Variants in PRR36 observed in about 807,000 individuals in gnomAD.
PRR36 encodes the protein proline-rich protein 36.
A neutral mutation model predicts 58.6 loss-of-function variants in PRR36; 30 were observed. The observed-to-expected ratio is 0.51, with a 90% CI of 0.38 to 0.69. PRR36 has a LOEUF of 0.69. PRR36 is among the 30% of genes least tolerant of loss of function. The pLI is 0.00. For synonymous variants in PRR36, 771 were observed against 829.3 expected (o/e 0.93, Z 1.21); for missense variants, 1,692 against 1,805.6 (o/e 0.94, Z 1.14).
Position 7,869,359 on chromosome 19 carries a change from G to A in PRR36, c.3715C>T (p.Pro1239Ser). The part of the protein sequence containing the change: ...GAGAGASSRS[P>S]KQARLGELPL... Reference sequence around the variant, plus strand: ...AGCTCGCCCAGGCGCGCCTGCTTCGGGCTCCGCGAGGACGCCCCGGCCCCG... The same window carrying A: ...AGCTCGCCCAGGCGCGCCTGCTTCGAGCTCCGCGAGGACGCCCCGGCCCCG... The change falls in exon 6 of 6, where the codon CCG becomes TCG. Residue 1239 changes from proline to serine, a missense_variant. Around this residue, in one of 5 missense-constraint regions of PRR36, gnomAD observed 485 missense variants for 549.2 expected, o/e 0.88. Coordinates refer to ENST00000618550, the MANE Select transcript of PRR36 (RefSeq NM_001190467.2). 7.0e-7 allele frequency: 1 copy of A among 1,433,374 alleles called. No homozygotes were observed. The highest frequency in any genetic ancestry group is 9.1e-7 in the Non-Finnish European group (1 of 1,103,338). The allele number at this position is 1,433,374 out of a possible 1,614,324, so 88.8% of individuals were successfully genotyped here.
At position 7,868,720 on chromosome 19, in the gene PRR36, G is replaced by A; in HGVS notation, c.*313C>T. On this transcript the variant is annotated 3_prime_UTR_variant, in exon 6 of 6. Transcript: ENST00000618550. ...GTCCTCTCTGTGACAGCGAAGGTGT[G>A]CAAGTCCCAGTGTCCCAGTTTTATT... The A allele has an allele frequency of 3.4e-6, 1 of 297,534 alleles. No homozygotes were observed. Among genetic ancestry groups the A allele is most frequent in the Non-Finnish European group, 6.3e-6 (1 of 159,578 alleles). The allele number at this position is 297,534 out of a possible 1,614,324, so 18.4% of individuals were successfully genotyped here.
chr19:7,871,115 G>T lies in PRR36; in HGVS notation c.2129C>A (p.Pro710His), dbSNP rs1157233357. ...GGCTAGGGAAGATTGGGTCTCCAGAGGGGGCATGATCAGGGAAGAGAGAGG... is the reference window on the plus strand; with the variant it reads ...GGCTAGGGAAGATTGGGTCTCCAGATGGGGCATGATCAGGGAAGAGAGAGG... ...QAPLSSLIMP[P>H]LETQSSLAPP... Residue 710 changes from proline to histidine, a missense_variant, in exon 5 of 6, where the codon CCT becomes CAT. This residue lies in a region of PRR36 where 975 missense variants were observed against 955.2 expected (regional missense o/e 1.02). Coordinates refer to ENST00000618550, the MANE Select transcript of PRR36 (RefSeq NM_001190467.2). 6.5e-7 allele frequency: 1 copy of T among 1,534,986 alleles called. No homozygotes were observed. The highest frequency in any genetic ancestry group is 2.0e-5 in the Admixed American group (1 of 50,830).
Position 7,870,002 on chromosome 19 carries a change from G to C in PRR36, c.3242C>G (p.Pro1081Arg). The change falls in exon 5 of 6, where the codon CCG becomes CGG. Residue 1081 changes from proline to arginine, a missense_variant. Coordinates refer to ENST00000618550, the MANE Select transcript of PRR36 (RefSeq NM_001190467.2). ...SPTLQAPRRP[P>R]TPGPDTSVSG... ...GACGGAGGTATCCGGACCCGGGGTC[G>C]GGGGGCGGCGTGGGGCCTGCAGGGT... 7.1e-7 allele frequency: 1 copy of C among 1,405,662 alleles called. No individual in the cohort carries two copies. The highest frequency in any genetic ancestry group is 9.2e-7 in the Non-Finnish European group (1 of 1,086,220). The allele number at this position is 1,405,662 out of a possible 1,614,324, so 87.1% of individuals were successfully genotyped here.
Position 7,873,581 on chromosome 19 carries a change from G to C in PRR36, c.109C>G (p.Pro37Ala). ...PRPPGSPRPPPPVTPAALRVL... is the reference protein window; with the variant it reads ...PRPPGSPRPPAPVTPAALRVL... ...CGGAGGGCTGCGGGAGTTACTGGGG[G>C]AGGGGGTCGAGGAGAGCCTGGGGGC... Residue 37 changes from proline (P) to alanine (A), a missense_variant, in exon 2 of 6, where the codon CCC (proline) becomes GCC (alanine). Coordinates refer to ENST00000618550, the MANE Select transcript of PRR36 (RefSeq NM_001190467.2). The surrounding 1 kb of genome is among the most constrained non-coding windows in gnomAD (Gnocchi z 5.0). The C allele has an allele frequency of 6.5e-7, 1 of 1,534,740 alleles. No individual in the cohort carries two copies. Among genetic ancestry groups the C allele is most frequent in the Non-Finnish European group, 8.7e-7 (1 of 1,146,596 alleles).
rs1980274914 is a variant in PRR36 at position 7,869,522 on chromosome 19, G to T, written c.3552C>A (p.Pro1184=). The T allele has an allele frequency of 6.6e-7, 1 of 1,518,854 alleles. No homozygotes were observed. The highest frequency in any genetic ancestry group is 1.2e-5 in the South Asian group (1 of 83,092). The allele number at this position is 1,518,854 out of a possible 1,614,324, so 94.1% of individuals were successfully genotyped here. The change falls in exon 6 of 6, where the codon CCC becomes CCA. Residue 1184 remains proline (P), a synonymous_variant. Transcript: ENST00000618550. ...GAPGAPLPWP[P]ATGPGSADGL... Reference sequence around the variant, plus strand: ...CGTCAGCAGAGCCCGGTCCGGTAGCGGGAGGCCACGGCAGGGGCGCACCTG... The same window carrying T: ...CGTCAGCAGAGCCCGGTCCGGTAGCTGGAGGCCACGGCAGGGGCGCACCTG...
At position 7,871,445 on chromosome 19, in the gene PRR36, T is replaced by C. The variant is rs1270352031; in HGVS notation, c.1799A>G (p.Gln600Arg). 47 of 1,533,478 alleles carry C rather than the reference T, an allele frequency of 3.1e-5. No homozygotes were observed. Among genetic ancestry groups the C allele is most frequent in the African/African-American group, 4.2e-5 (3 of 71,956 alleles). 95.0% of individuals were successfully genotyped at this position (1,533,478 alleles called of 1,614,324 possible). A position where few individuals can be genotyped will look rare whatever the true frequency, so the allele number is the denominator to read the frequency against. Residue 600 changes from glutamine to arginine, a missense_variant, in exon 5 of 6, where the codon CAG (glutamine) becomes CGG (arginine). Gln to Arg is a conservative substitution (Grantham distance 43). Around this residue, in one of 5 missense-constraint regions of PRR36, gnomAD observed 975 missense variants for 955.2 expected, o/e 1.02. Transcript: ENST00000618550. ...VPHSLTSPSL[Q>R]APPSPLALSS... is the part of the protein sequence containing the mutation. ...CAAAGCCAGAGGAGAGGGAGGTGCC[T>C]GCAGAGACGGTGAGGTCAGAGAATG... is the stretch of plus-strand genomic sequence containing the variant.
rs1980231208 is a variant in PRR36 at position 7,868,920 on chromosome 19, T to C, written c.*113A>G. On this transcript the variant is annotated 3_prime_UTR_variant, in exon 6 of 6. Coordinates refer to ENST00000618550, the MANE Select transcript of PRR36 (RefSeq NM_001190467.2). ...TCAGGCTCTAGGGAGCTAAGACTAA[T>C]CCACCCAGCGGGGCTCCAGGGCAGT... The C allele has an allele frequency of 8.0e-7, 1 of 1,252,732 alleles. No homozygotes were observed. Among genetic ancestry groups the C allele is most frequent in the Non-Finnish European group, 1.1e-6 (1 of 940,210 alleles). 77.6% of individuals were successfully genotyped at this position (1,252,732 alleles called of 1,614,324 possible).
At position 7,873,176 on chromosome 19, in the gene PRR36, G is replaced by A. The variant is rs931779533; in HGVS notation, c.374+21C>T. The A allele has an allele frequency of 6.5e-7, 1 of 1,530,448 alleles. No individual in the cohort carries two copies. Among genetic ancestry groups the A allele is most frequent in the South Asian group, 1.2e-5 (1 of 83,956 alleles). 94.8% of individuals were successfully genotyped at this position (1,530,448 alleles called of 1,614,324 possible). On this transcript the variant is annotated intron_variant, in intron 3 of 5. Coordinates refer to ENST00000618550, the MANE Select transcript of PRR36 (RefSeq NM_001190467.2). The surrounding 1 kb of genome is among the most constrained non-coding windows in gnomAD (Gnocchi z 5.0). ...GACGCTAACCCTGGCTTAGGAGACT[G>A]GGGGAGAGGGAGCAGGTTACCTGGT...
chr19:7,870,955 TA>T lies in PRR36; in HGVS notation c.2288del (p.Leu763GlnfsTer13). 3.7e-6 allele frequency: 5 copies of T among 1,366,084 alleles called. No individual in the cohort carries two copies. Among genetic ancestry groups the T allele is most frequent in the Non-Finnish European group, 1.9e-6 (2 of 1,062,016 alleles). The allele number at this position is 1,366,084 out of a possible 1,614,324, so 84.6% of individuals were successfully genotyped here. On this transcript the variant is annotated frameshift_variant, in exon 5 of 6. Coordinates refer to ENST00000618550, the MANE Select transcript of PRR36 (RefSeq NM_001190467.2). LOFTEE classifies it high-confidence loss of function. ...AAGCTGTCTGCAGAGGAGGCGGGGC[TA>T]GAGAAGGTAGGTTCTCCAGAGGGGG... ...TTPPLENLPS[L>X]APPPLQTASA...
In PRR36 at chr19:7,868,832, G is replaced by T. The variant is rs1256092198; in HGVS notation, c.*201C>A. ...GGGCGTGTCCTAGGCCAAAGGGGCGGAGCTCGAGGGGCGGGCCTAGGTCAA... is the reference window on the plus strand; with the variant it reads ...GGGCGTGTCCTAGGCCAAAGGGGCGTAGCTCGAGGGGCGGGCCTAGGTCAA... On this transcript the variant is annotated 3_prime_UTR_variant, in exon 6 of 6. Coordinates refer to ENST00000618550, the MANE Select transcript of PRR36 (RefSeq NM_001190467.2). 9.0e-6 allele frequency: 5 copies of T among 558,152 alleles called. No homozygotes were observed. In the African/African-American group the frequency reaches 9.8e-5, roughly 11 times the overall value. The allele number at this position is 558,152 out of a possible 1,614,324, so 34.6% of individuals were successfully genotyped here. A position where few individuals can be genotyped will look rare whatever the true frequency, so the allele number is the denominator to read the frequency against.
rs56119987 is a variant in PRR36, at chr19:7,873,081, A to G, written c.374+116T>C. On this transcript the variant is annotated intron_variant, in intron 3 of 5. Transcript: ENST00000618550. This position sits in a 1 kb window ranked among gnomAD's most constrained non-coding sequence, Gnocchi z 5.0. ...GAGGACCAATAATGGCTTTCACCCA[A>G]TTTGTGCCCAGTGACCTGCAAGTGC... The G allele has an allele frequency of 0.19, 246,776 of 1,311,930 alleles. 26,039 individuals are homozygous for G. Among genetic ancestry groups the G allele is most frequent in the Non-Finnish European group, 0.21 (200,686 of 948,228 alleles). 81.3% of individuals were successfully genotyped at this position (1,311,930 alleles called of 1,614,324 possible).
Position 7,872,228 on chromosome 19 carries a change from GGCGTTACCGGTGGAGAGGGAGGGA to G in PRR36, c.992_1015del (p.Leu331_Thr338del), listed in dbSNP as rs1356182606. ...ACTTTGGAGAGCGGCTGGCGGAGGG[GGCGTTACCGGTGGAGAGGGAGGGA>G]GCGTGGCTGGCAGGGGAGTGGCTGC... On this transcript the variant is annotated inframe_deletion, in exon 5 of 6. Transcript: ENST00000618550. The surrounding 1 kb of genome is among the most constrained non-coding windows in gnomAD (Gnocchi z 6.1). 8.2e-6 allele frequency: 12 copies of G among 1,457,696 alleles called. No homozygotes were observed. The highest frequency in any genetic ancestry group is 5.0e-5 in the East Asian group (2 of 40,358). 90.3% of individuals were successfully genotyped at this position (1,457,696 alleles called of 1,614,324 possible).
In PRR36 at chr19:7,873,196, C is replaced by T; in HGVS notation, c.374+1G>A. 6.5e-7 allele frequency: 1 copy of T among 1,535,832 alleles called. No individual in the cohort carries two copies. The highest frequency in any genetic ancestry group is 8.7e-7 in the Non-Finnish European group (1 of 1,146,676). ...AGACTGGGGGAGAGGGAGCAGGTTACCTGGTGGTCCCGCTGGCACGCCCTG... is the reference window on the plus strand; with the variant it reads ...AGACTGGGGGAGAGGGAGCAGGTTATCTGGTGGTCCCGCTGGCACGCCCTG... On this transcript the variant is annotated splice_donor_variant, in intron 3 of 5. Transcript: ENST00000618550. LOFTEE classifies it high-confidence loss of function. This position sits in a 1 kb window ranked among gnomAD's most constrained non-coding sequence, Gnocchi z 5.0.
Position 7,872,323 on chromosome 19 carries a change from G to T in PRR36, c.921C>A (p.Pro307=), listed in dbSNP as rs1392208257. ...GPLSSSPLAT[P]SPSGTKARPV... ...GTCTTGCCTTGGTACCCGATGGAGA[G>T]GGTGTGGCCAAAGGAGAGGAAGAAA... The change falls in exon 5 of 6, where the codon CCC becomes CCA. Residue 307 remains proline (P), a synonymous_variant. Coordinates refer to ENST00000618550, the MANE Select transcript of PRR36 (RefSeq NM_001190467.2). This position sits in a 1 kb window ranked among gnomAD's most constrained non-coding sequence, Gnocchi z 6.1. 6 of 1,454,798 alleles carry T rather than the reference G, an allele frequency of 4.1e-6. No individual in the cohort carries two copies. The highest frequency in any genetic ancestry group is 5.4e-6 in the Non-Finnish European group (6 of 1,110,082). 90.1% of individuals were successfully genotyped at this position (1,454,798 alleles called of 1,614,324 possible).
At position 7,869,248 on chromosome 19, in the gene PRR36, C is replaced by T; in HGVS notation, c.3826G>A (p.Gly1276Ser). The T allele has an allele frequency of 6.7e-7, 1 of 1,487,612 alleles. No homozygotes were observed. The highest frequency in any genetic ancestry group is 2.3e-5 in the Admixed American group (1 of 43,080). 92.2% of individuals were successfully genotyped at this position (1,487,612 alleles called of 1,614,324 possible). Reference protein sequence around the residue: ...LLAAAEGAAGGSGGGPGGAEG... With the variant: ...LLAAAEGAAGSSGGGPGGAEG... Reference sequence around the variant, plus strand: ...GCACCTCCTGGGCCCCCGCCGCTGCCGCCCGCGGCACCCTCGGCAGCCGCC... The same window carrying T: ...GCACCTCCTGGGCCCCCGCCGCTGCTGCCCGCGGCACCCTCGGCAGCCGCC... Residue 1276 changes from glycine (G) to serine (S), a missense_variant, in exon 6 of 6, where the codon GGC becomes AGC. Gly to Ser is a moderately conservative substitution (Grantham distance 56). This residue lies in a region of PRR36 where 485 missense variants were observed against 549.2 expected (regional missense o/e 0.88). Coordinates refer to ENST00000618550, the MANE Select transcript of PRR36 (RefSeq NM_001190467.2).
Position 7,870,153 on chromosome 19 carries a change from C to A in PRR36, c.3091G>T (p.Gly1031Trp). Residue 1031 changes from glycine to tryptophan, a missense_variant, in exon 5 of 6, where the codon GGG becomes TGG. By Grantham distance (184) the Gly-to-Trp change is radical (BLOSUM62 -2). Transcript: ENST00000618550. ...GCAGAGGGTGAGAAAGGGGCCTGCC[C>A]AGGGAATGAGGCAGGCGGAGAGGGA... The part of the protein sequence containing the change: ...ALPSPPASFP[G>W]QAPFSPSASL... The A allele has an allele frequency of 7.2e-7, 1 of 1,383,946 alleles. No homozygotes were observed. The highest frequency in any genetic ancestry group is 9.3e-7 in the Non-Finnish European group (1 of 1,076,604). 85.7% of individuals were successfully genotyped at this position (1,383,946 alleles called of 1,614,324 possible).
chr19:7,872,913 A>G lies in PRR36; in HGVS notation c.423T>C (p.Thr141=). ...CCTCTGTAGCTTTTCCTCTGGCCAC[A>G]GTTTCCTCCGCTGAGATCCGGAGTC... The part of the protein sequence containing the change: ...QKGLRISAEE[T]VARGKATEAP... Residue 141 remains threonine, a synonymous_variant, in exon 4 of 6, where the codon ACT becomes ACC. Coordinates refer to ENST00000618550, the MANE Select transcript of PRR36 (RefSeq NM_001190467.2). This position sits in a 1 kb window ranked among gnomAD's most constrained non-coding sequence, Gnocchi z 6.1. The G allele has an allele frequency of 6.5e-7, 1 of 1,535,998 alleles. No homozygotes were observed. Among genetic ancestry groups the G allele is most frequent in the East Asian group, 2.4e-5 (1 of 40,902 alleles).
chr19:7,871,225 A>G lies in PRR36; in HGVS notation c.2019T>C (p.Ser673=), dbSNP rs748484753. The stretch of plus-strand genomic sequence containing the variant: ...GTGAGCTTAGGGGTGAGACAGCAGG[A>G]GAGAGAGAAGTCTGCAGAGGGGGTG... ...PASPPLQTSL[S]PAVSPLSSPL... Residue 673 remains serine, a synonymous_variant, in exon 5 of 6, where the codon TCT becomes TCC. Coordinates refer to ENST00000618550, the MANE Select transcript of PRR36 (RefSeq NM_001190467.2). The G allele has an allele frequency of 7.9e-6, 12 of 1,517,278 alleles. No homozygotes were observed. In the South Asian group the frequency reaches 1.4e-4, roughly 18 times the overall value. The allele number at this position is 1,517,278 out of a possible 1,614,324, so 94.0% of individuals were successfully genotyped here. A position where few individuals can be genotyped will look rare whatever the true frequency, so the allele number is the denominator to read the frequency against.
In PRR36 at chr19:7,871,420, C is replaced by T; in HGVS notation, c.1824G>A (p.Leu608=). The part of the protein sequence containing the change: ...SLQAPPSPLA[L]SSLQATTSLG... The stretch of plus-strand genomic sequence containing the variant: ...AAGAAGTTGTGGCCTGCAGAGAGGA[C>T]AAAGCCAGAGGAGAGGGAGGTGCCT... The change falls in exon 5 of 6, where the codon TTG becomes TTA. Residue 608 remains leucine, a synonymous_variant. Coordinates refer to ENST00000618550, the MANE Select transcript of PRR36 (RefSeq NM_001190467.2). 6.5e-7 allele frequency: 1 copy of T among 1,535,036 alleles called. No individual in the cohort carries two copies. Among genetic ancestry groups the T allele is most frequent in the Non-Finnish European group, 8.7e-7 (1 of 1,146,678 alleles).
Sources: gnomAD v4.1 joint callset for allele counts on GRCh38, gnomAD v4.1.1 for gene constraint, gnomAD v4.1.1 regional missense constraint, Gnocchi (gnomAD v3.1) non-coding constraint, MANE v1.5 for transcripts, NCBI Gene and HGNC (gene_info 2026-07-23, HGNC 2026-07-21) for gene names.